BRAF: variants seen among roughly 807,000 people sequenced by gnomAD.
BRAF encodes B-Raf proto-oncogene, serine/threonine kinase, also known as serine/threonine-protein kinase B-raf.
A neutral mutation model predicts 104.6 loss-of-function variants in BRAF; 16 were observed. The observed-to-expected ratio is 0.15, with a 90% CI of 0.10 to 0.23. The LOEUF is 0.23. BRAF is among the 10% of genes least tolerant of loss of function. The pLI, the probability that BRAF is intolerant of heterozygous loss-of-function variation, is 1.00. For synonymous variants in BRAF, 310 were observed against 341.6 expected (o/e 0.91, Z 1.02); for missense variants, 541 against 937.3 (o/e 0.58, Z 5.52).
At chr7:140,781,940 AGGGT>A (rs1480924054) in intron 11 of BRAF, among the ~76,000 whole-genome samples, 2 of 152,200 alleles carry the variant, frequency 1.3e-5, no homozygotes, top group African/African-American at 4.8e-5. Flanking sequence ...TTTAAGTTCT[AGGGT>A]ACATGTGCAC....
chr7:140,754,047 G>C, intron 15 of BRAF, 140 bp downstream of exon 14: 2 of 869,414 alleles, frequency 2.3e-6, no homozygotes, highest in South Asian at 2.8e-5. Context: ...TCCTATACAT[G>C]CATGCACAAT....
intron 3 of BRAF, chr7:140,824,325 C>G (rs1310872567): frequency 6.6e-6 from 1 of 152,110 alleles, no homozygotes; most frequent in Non-Finnish European, 1.5e-5. Flanking sequence ...ATTCTTTGTA[C>G]ATGGTATAAG....
At chr7:140,814,234 C>T (rs2129051098) in intron 3 of BRAF, among the ~76,000 whole-genome samples, 1 of 152,264 alleles carries the variant, frequency 6.6e-6, no homozygotes, top group Middle Eastern at 3.4e-3. Context: ...TGAATATTTG[C>T]CAAGGAAACT....
intron 7 of BRAF, chr7:140,800,093 C>A: frequency 2.1e-6 from 1 of 471,928 alleles, no homozygotes; most frequent in African/African-American, 1.9e-5. Flanking sequence ...CAAAAGAAAG[C>A]AGTTCAAGAA....
intron 14 of BRAF, among the ~76,000 whole-genome samples, chr7:140,765,220 C>A (rs1203636012): frequency 1.3e-5 from 2 of 152,152 alleles, no homozygotes; most frequent in African/African-American, 4.8e-5. Context: ...ACTTAATAAA[C>A]GGTGCTGGGA....
intron 1 of BRAF, among the ~76,000 whole-genome samples, chr7:140,878,164 A>C (rs1453209380): frequency 6.6e-6 from 1 of 151,920 alleles, no homozygotes; most frequent in Admixed American, 6.6e-5. Flanking sequence ...AAATGAAAAC[A>C]AAAAAAACAC....
intron 1 of BRAF, among the ~76,000 whole-genome samples, chr7:140,878,476 C>A (rs1215002978): frequency 6.6e-6 from 1 of 151,758 alleles, no homozygotes; most frequent in Admixed American, 6.6e-5. Flanking sequence ...GTGAAAAAAA[C>A]CTACAGAATG....
Position 140,725,478 on chromosome 7 carries a change from A to G in BRAF, c.*1016T>C. The G allele has an allele frequency of 1.1e-6, 1 of 939,078 alleles. No homozygotes were observed. The highest frequency in any genetic ancestry group is 6.1e-5 in the East Asian group (1 of 16,444). The allele number at this position is 939,078 out of a possible 1,614,324, so 58.2% of individuals were successfully genotyped here. A position where few individuals can be genotyped will look rare whatever the true frequency, so the allele number is the denominator to read the frequency against. ...AAATTATTTTCTTTTTAATAAAAAT[A>G]GAAAAGAAGAAACTCAGAAATTAAA... On this transcript the variant is annotated 3_prime_UTR_variant, in exon 20 of 20. Coordinates refer to ENST00000644969, the MANE Select transcript of BRAF (RefSeq NM_001374258.1).
In BRAF at chr7:140,897,792, G is replaced by A. The variant is rs775901730; in HGVS notation, c.138+26774C>T. On this transcript the variant is annotated intron_variant, in intron 1 of 19. Coordinates refer to ENST00000644969, the MANE Select transcript of BRAF (RefSeq NM_001374258.1). The stretch of plus-strand genomic sequence containing the variant: ...TGGGATGACAGGTGTGAGCCACCGC[G>A]CCCAGCCAGGAAAGATTTCTTAAAA... Among the ~76,000 whole-genome samples, 4 of 151,630 alleles carry A rather than the reference G, an allele frequency of 2.6e-5. No individual in the cohort carries two copies. The East Asian group carries it at 7.8e-4, about 29-fold the overall frequency.
chr7:140,844,574 T>C (rs1211965935), intron 2 of BRAF, among the ~76,000 whole-genome samples: 2 of 152,182 alleles, frequency 1.3e-5, no homozygotes, highest in Non-Finnish European at 1.5e-5. Flanking sequence ...ACAGATTCAA[T>C]CCAATCCCTA....
Position 140,722,106 on chromosome 7 carries a change from T to C in BRAF, c.*4388A>G. 1 of 1,077,062 alleles carries C rather than the reference T, an allele frequency of 9.3e-7. No homozygotes were observed. Among genetic ancestry groups the C allele is most frequent in the Non-Finnish European group, 1.1e-6 (1 of 887,710 alleles). 66.7% of individuals were successfully genotyped at this position (1,077,062 alleles called of 1,614,324 possible). ...TCTGTTGTATAAAAGTTCCATGCTT[T>C]GAAGAGCCTATGGGAGTAGAAAAAG... On this transcript the variant is annotated 3_prime_UTR_variant, in exon 20 of 20. Transcript: ENST00000644969.
chr7:140,776,947 A>C lies in BRAF; in HGVS notation c.1779T>G (p.Leu593=), dbSNP rs1443228172. Residue 593 remains leucine (L), a synonymous_variant, in exon 14 of 20, where the codon CTT becomes CTG. Coordinates refer to ENST00000644969, the MANE Select transcript of BRAF (RefSeq NM_001374258.1). ...GTGCAGTCTGTCGTGCAATATCTAT[A>C]AGTTTGATCATCTCAAATTTGGTCT... is the stretch of plus-strand genomic sequence containing the variant. ...IIETKFEMIK[L]IDIARQTAQG... is the part of the protein sequence containing the mutation. The C allele has an allele frequency of 6.2e-7, 1 of 1,613,606 alleles. No homozygotes were observed. The highest frequency in any genetic ancestry group is 1.7e-5 in the Admixed American group (1 of 60,016).
chr7:140,849,142 G>A lies in BRAF; in HGVS notation c.240+969C>T, dbSNP rs997621106. ...TTATAAAGAAAGGGTGTGTAGGGTA[G>A]TAGTGAGCAGTGTGGGCTGTAGAGC... On this transcript the variant is annotated intron_variant, in intron 2 of 19. Coordinates refer to ENST00000644969, the MANE Select transcript of BRAF (RefSeq NM_001374258.1). Among the ~76,000 whole-genome samples the A allele has an allele frequency of 1.8e-4, 27 of 152,186 alleles. 1 individual carries two copies. The highest frequency in any genetic ancestry group is 6.5e-4 in the Admixed American group (10 of 15,280).
chr7:140,765,315 C>T (rs1384266666), intron 14 of BRAF, among the ~76,000 whole-genome samples: 2 of 151,952 alleles, frequency 1.3e-5, no homozygotes, highest in African/African-American at 4.8e-5. Context: ...GGATTAAAGA[C>T]TTAAACGTTA....
intron 1 of BRAF, among the ~76,000 whole-genome samples, chr7:140,915,045 T>C (rs1586643487): frequency 1.8e-5 from 1 of 56,424 alleles, no homozygotes; most frequent in Non-Finnish European, 2.6e-5. Flanking sequence ...CGAGACTCCG[T>C]CTCCAAAAAA....
Position 140,725,034 on chromosome 7 carries a change from CA to C in BRAF, c.*1459del, listed in dbSNP as rs1795524242. Reference sequence around the variant, plus strand: ...ATGACAGCTTTCCCACACCCTCCCTCAGTCCTAATATCCCTAAAATTGCTCT... The same window carrying C: ...ATGACAGCTTTCCCACACCCTCCCTCGTCCTAATATCCCTAAAATTGCTCT... On this transcript the variant is annotated 3_prime_UTR_variant, in exon 20 of 20. Transcript: ENST00000644969. The C allele has an allele frequency of 9.5e-7, 1 of 1,047,252 alleles. No individual in the cohort carries two copies. The highest frequency in any genetic ancestry group is 5.6e-5 in the East Asian group (1 of 17,888). The allele number at this position is 1,047,252 out of a possible 1,614,324, so 64.9% of individuals were successfully genotyped here. A position where few individuals can be genotyped will look rare whatever the true frequency, so the allele number is the denominator to read the frequency against.
intron 17 of BRAF, among the ~76,000 whole-genome samples, chr7:140,744,216 G>A (rs1222918250): frequency 6.6e-6 from 1 of 152,210 alleles, no homozygotes; most frequent in Non-Finnish European, 1.5e-5. Context: ...TGGAAACTAA[G>A]GTCAGCCCCG....
At chr7:140,885,985 G>A (rs1161450630) in intron 1 of BRAF, among the ~76,000 whole-genome samples, 1 of 152,208 alleles carries the variant, frequency 6.6e-6, no homozygotes, top group Non-Finnish European at 1.5e-5. Context: ...GAGTTTAGGA[G>A]AAGACAAAGA....
At chr7:140,826,585 G>A (rs1806075769) in intron 3 of BRAF, among the ~76,000 whole-genome samples, 1 of 152,132 alleles carries the variant, frequency 6.6e-6, no homozygotes, top group Admixed American at 6.6e-5. Flanking sequence ...ACCCTCTAAA[G>A]CATCAGGAAA....
Sources: allele counts gnomAD v4.1 joint callset (sites outside exome capture counted in the v4.1 genomes callset), GRCh38; gene constraint gnomAD v4.1.1; transcripts MANE v1.5; gene names NCBI Gene and HGNC (gene_info 2026-07-23, HGNC 2026-07-21).